Variants in SLX4IP observed in about 807,000 individuals in gnomAD.
The protein encoded by SLX4IP is protein SLX4IP.
In SLX4IP, 34 loss-of-function variants were observed where a neutral mutation model predicts 32.9. The ratio of observed to expected loss-of-function variants is 1.03; its 90% confidence interval spans 0.79 to 1.38. The LOEUF (loss-of-function observed/expected upper bound fraction) is 1.38. Ranked by LOEUF, SLX4IP falls within the 40% of genes most tolerant of loss-of-function variation. The probability of loss-of-function intolerance (pLI) is 0.00; values close to 1 mark genes in which losing one functional copy is unlikely to be tolerated. For synonymous variants in SLX4IP, 172 were observed against 171.7 expected, an observed-to-expected ratio of 1.00 and a Z score of -0.01; for missense variants, 444 against 479.0, an observed-to-expected ratio of 0.93 and a Z score of 0.68.
At chr20:10,497,522 T>C (rs2065678768) in intron 2 of SLX4IP, among the ~76,000 whole-genome samples, 1 of 152,192 alleles carries the variant, frequency 6.6e-6, no homozygotes, top group Non-Finnish European at 1.5e-5. Flanking sequence ...TTTTCTACTA[T>C]TCTCTTTGCT....
chr20:10,538,512 T>C (rs908652817), intron 2 of SLX4IP, among the ~76,000 whole-genome samples: 1 of 151,948 alleles, frequency 6.6e-6, no homozygotes, highest in East Asian at 1.9e-4. Flanking sequence ...TAGATTCTTA[T>C]TGATAAAGCC....
At chr20:10,479,653 G>A (rs2065505437) in intron 2 of SLX4IP, among the ~76,000 whole-genome samples, 2 of 139,142 alleles carry the variant, frequency 1.4e-5, no homozygotes, top group South Asian at 5.0e-4. Flanking sequence ...GGCTCGAATT[G>A]CATATTTCTA....
chr20:10,566,272 G>A (rs1313147871), intron 4 of SLX4IP, among the ~76,000 whole-genome samples: 1 of 137,898 alleles, frequency 7.3e-6, no homozygotes, highest in Non-Finnish European at 1.5e-5. Context: ...TCACCAGGTA[G>A]AACTGATTAC....
chr20:10,605,126 A>G (rs1369655440), intron 6 of SLX4IP, among the ~76,000 whole-genome samples: 1 of 152,230 alleles, frequency 6.6e-6, no homozygotes, highest in East Asian at 1.9e-4. Context: ...ATTATTTATT[A>G]TTTCTTTGTT....
intron 2 of SLX4IP, among the ~76,000 whole-genome samples, chr20:10,550,930 C>T (rs1405146894): frequency 6.6e-6 from 1 of 152,212 alleles, no homozygotes; most frequent in Non-Finnish European, 1.5e-5. Context: ...TGCCCAGCTG[C>T]TGCCCCTCCC....
intron 2 of SLX4IP, among the ~76,000 whole-genome samples, chr20:10,529,230 A>T (rs2065964886): frequency 6.6e-6 from 1 of 152,184 alleles, no homozygotes; most frequent in Non-Finnish European, 1.5e-5. Context: ...AATTTTTATA[A>T]TGTAATCTTA....
chr20:10,442,564 A>G (rs1470043732), intron 1 of SLX4IP, among the ~76,000 whole-genome samples: 1 of 152,246 alleles, frequency 6.6e-6, no homozygotes, highest in Non-Finnish European at 1.5e-5. Flanking sequence ...TAAATTATAT[A>G]CTTTCAGATA....
chr20:10,458,890 G>C (rs1282249509), intron 2 of SLX4IP, among the ~76,000 whole-genome samples: 3 of 152,192 alleles, frequency 2.0e-5, no homozygotes, highest in Non-Finnish European at 4.4e-5. Flanking sequence ...TAATGGGATT[G>C]CTGGGTCAAA....
chr20:10,606,493 C>G (rs193072247), intron 6 of SLX4IP, among the ~76,000 whole-genome samples: 1 of 152,136 alleles, frequency 6.6e-6, no homozygotes, highest in East Asian at 1.9e-4. Flanking sequence ...TTCTAAACAA[C>G]GCTAGTGGTG....
At chr20:10,487,124 T>C (rs2065581342) in intron 2 of SLX4IP, among the ~76,000 whole-genome samples, 1 of 152,166 alleles carries the variant, frequency 6.6e-6, no homozygotes, top group South Asian at 2.1e-4. Flanking sequence ...AAGCAGTAGC[T>C]CTTTAAGAGT....
chr20:10,591,191 A>G (rs934892281), intron 4 of SLX4IP, among the ~76,000 whole-genome samples: 3 of 152,188 alleles, frequency 2.0e-5, no homozygotes, highest in African/African-American at 4.8e-5. Flanking sequence ...CATATAAAGG[A>G]CAGATAAAGT....
At chr20:10,479,832 C>T (rs955493132) in intron 2 of SLX4IP, among the ~76,000 whole-genome samples, 17 of 150,822 alleles carry the variant, frequency 1.1e-4, no homozygotes, top group Admixed American at 9.9e-4. Flanking sequence ...GGTGAAACCC[C>T]GCCTCTACTA....
intron 2 of SLX4IP, among the ~76,000 whole-genome samples, chr20:10,540,840 C>T (rs1419553530): frequency 6.6e-6 from 1 of 152,212 alleles, no homozygotes; most frequent in African/African-American, 2.4e-5. Flanking sequence ...CAGACCTCGC[C>T]TGTGTTTGTC....
chr20:10,556,217 T>C lies in SLX4IP; in HGVS notation c.28-14T>C, dbSNP rs757776599. 6.2e-7 allele frequency: 1 copy of C among 1,610,782 alleles called. No homozygotes were observed. The highest frequency in any genetic ancestry group is 8.5e-7 in the Non-Finnish European group (1 of 1,178,042). On this transcript the variant is annotated splice_polypyrimidine_tract_variant and intron_variant, in intron 2 of 7. Coordinates refer to ENST00000334534, the MANE Select transcript of SLX4IP (RefSeq NM_001009608.3). ...AGCCGCACAGACACTGACTCTGCCA[T>C]TAATGTCTTTCAGTGTGGGAATTTT...
Position 10,525,558 on chromosome 20 carries a change from T to G in SLX4IP, c.28-30673T>G, listed in dbSNP as rs925014326. Among the ~76,000 whole-genome samples the G allele has an allele frequency of 1.3e-5, 2 of 152,256 alleles. 1 individual carries two copies. The highest frequency in any genetic ancestry group is 1.3e-4 in the Admixed American group (2 of 15,284). On this transcript the variant is annotated intron_variant, in intron 2 of 7. Coordinates refer to ENST00000334534, the MANE Select transcript of SLX4IP (RefSeq NM_001009608.3). ...ATTTTCTCATTGTTATAATGGTTTGTTTTTCCTGGAATTTAGAGTTGCCTC... is the reference window on the plus strand; with the variant it reads ...ATTTTCTCATTGTTATAATGGTTTGGTTTTCCTGGAATTTAGAGTTGCCTC...
At chr20:10,544,575 T>C (rs1398771162) in intron 2 of SLX4IP, among the ~76,000 whole-genome samples, 3 of 152,104 alleles carry the variant, frequency 2.0e-5, no homozygotes, top group African/African-American at 4.8e-5. Context: ...TTAGTAGAGA[T>C]GGGGTTCTGG....
chr20:10,514,880 T>G (rs1442685405), intron 2 of SLX4IP, among the ~76,000 whole-genome samples: 1 of 152,168 alleles, frequency 6.6e-6, no homozygotes, highest in African/African-American at 2.4e-5. Flanking sequence ...TATGTCAGGT[T>G]AAGCAATTTT....
chr20:10,605,824 T>G (rs559918416), intron 6 of SLX4IP, among the ~76,000 whole-genome samples: 2 of 152,288 alleles, frequency 1.3e-5, no homozygotes, highest in South Asian at 4.1e-4. Context: ...GAAACAATAT[T>G]GAAGCACTAA....
Sources: gnomAD v4.1 joint callset for allele counts (sites outside exome capture counted in the v4.1 genomes callset) on GRCh38, gnomAD v4.1.1 for gene constraint, MANE v1.5 for transcripts, NCBI Gene and HGNC (gene_info 2026-07-23, HGNC 2026-07-21) for gene names.